IFIH1: variants seen among roughly 807,000 people sequenced by gnomAD.
The protein encoded by IFIH1 is interferon-induced helicase C domain-containing protein 1.
A neutral mutation model predicts 107.4 loss-of-function variants in IFIH1; 125 were observed. That is an observed-to-expected ratio of 1.16 (90% confidence interval 1.01 to 1.35). The LOEUF (loss-of-function observed/expected upper bound fraction) is 1.35. Ranked by LOEUF, IFIH1 falls within the 40% of genes most tolerant of loss-of-function variation. IFIH1 has a pLI of 0.00. For synonymous variants in IFIH1, 458 were observed against 413.2 expected, an observed-to-expected ratio of 1.11 and a Z score of -1.31; for missense variants, 1,333 against 1,213.7, an observed-to-expected ratio of 1.10 and a Z score of -1.46.
In IFIH1 at chr2:162,282,515, C is replaced by A. The variant is rs138611889; in HGVS notation, c.1157G>T (p.Arg386Leu). The change falls in exon 6 of 16, where the codon CGT (arginine) becomes CTT (leucine). Residue 386 changes from arginine to leucine, a missense_variant. Transcript: ENST00000649979. ...EFQPFLKKWYRVIGLSGDTQL... is the reference protein window; with the variant it reads ...EFQPFLKKWYLVIGLSGDTQL... Reference sequence around the variant, plus strand: ...GGTATCACCACTTAATCCAATAACACGATACCATTTCTTCAAAAATGGTTG... The same window carrying A: ...GGTATCACCACTTAATCCAATAACAAGATACCATTTCTTCAAAAATGGTTG... 6.2e-7 allele frequency: 1 copy of A among 1,611,592 alleles called. No individual in the cohort carries two copies.
intron 12 of IFIH1, among the ~76,000 whole-genome samples, chr2:162,272,748 G>A (rs1691069509): frequency 6.6e-6 from 1 of 152,094 alleles, no homozygotes; most frequent in Non-Finnish European, 1.5e-5. Context: ...GAAGCTGGGA[G>A]GAATGAATGG....
At chr2:162,314,049 C>T (rs1250038532) in intron 1 of IFIH1, among the ~76,000 whole-genome samples, 3 of 152,118 alleles carry the variant, frequency 2.0e-5, no homozygotes, top group Admixed American at 6.5e-5. Context: ...ATGCATCTCT[C>T]TTTAGCTGTT....
At chr2:162,310,184 C>G (rs192365072) in intron 2 of IFIH1, 1 of 152,222 alleles carries the variant, frequency 6.6e-6, no homozygotes, top group Non-Finnish European at 1.5e-5. Flanking sequence ...ATTTGTCTTT[C>G]ATATGATATT....
At chr2:162,316,122 A>G (rs1683486497) in intron 1 of IFIH1, among the ~76,000 whole-genome samples, 1 of 152,220 alleles carries the variant, frequency 6.6e-6, no homozygotes, top group Admixed American at 6.5e-5. Context: ...CGGAAATTCA[A>G]TCCAGGCAAG....
chr2:162,315,916 A>G (rs1683482602), intron 1 of IFIH1, among the ~76,000 whole-genome samples: 1 of 152,180 alleles, frequency 6.6e-6, no homozygotes, highest in African/African-American at 2.4e-5. Context: ...GAGAGCCTCA[A>G]ATTTATAGCT....
rs528639734 is a variant in IFIH1 at position 162,267,242 on chromosome 2, A to T, written c.3036T>A (p.Asn1012Lys). Residue 1012 changes from asparagine (N) to lysine (K), a missense_variant, in exon 16 of 16, where the codon AAT becomes AAA. Physicochemically the swap from Asn to Lys is moderately conservative, Grantham distance 94. Coordinates refer to ENST00000649979, the MANE Select transcript of IFIH1 (RefSeq NM_022168.4). ...KWVELPITFP[N>K]LDYSECCLFS... The stretch of plus-strand genomic sequence containing the variant: ...ATAAACAGCATTCTGAATAGTCAAG[A>T]TTGGGAAATGTGATAGGTAATTCTA... The T allele has an allele frequency of 8.0e-5, 128 of 1,607,496 alleles. 2 individuals carry two copies. In the South Asian group the frequency reaches 1.4e-3, roughly 17 times the overall value.
intron 4 of IFIH1, among the ~76,000 whole-genome samples, chr2:162,290,795 T>C (rs190742909): frequency 3.7e-4 from 56 of 152,014 alleles, no homozygotes; most frequent in Admixed American, 1.8e-3. Flanking sequence ...TTGGATTCAA[T>C]GTGAGACTAG....
intron 1 of IFIH1, among the ~76,000 whole-genome samples, chr2:162,317,525 C>T (rs555035501): frequency 6.6e-6 from 1 of 152,254 alleles, no homozygotes; most frequent in Admixed American, 6.5e-5. Context: ...CATTAGGAGC[C>T]TCAGTGGGTT....
At chr2:162,271,299 C>G (rs895882032) in intron 13 of IFIH1, among the ~76,000 whole-genome samples, 1 of 152,048 alleles carries the variant, frequency 6.6e-6, no homozygotes, top group Non-Finnish European at 1.5e-5. Context: ...GAGTTCATGT[C>G]CTTTGTAGGG....
chr2:162,315,655 C>T (rs1013339885), intron 1 of IFIH1, among the ~76,000 whole-genome samples: 1 of 151,966 alleles, frequency 6.6e-6, no homozygotes, highest in African/African-American at 2.4e-5. Context: ...GTAATTTGGC[C>T]CAAAGTAACG....
chr2:162,279,914 TG>T, intron 8 of IFIH1, 81 bp downstream of exon 8: 1 of 795,960 alleles, frequency 1.3e-6, no homozygotes, highest in Non-Finnish European at 2.1e-6. Context: ...ATTTTTCAGA[TG>T]GTCAGTATAA....
rs1030679372 is a variant in IFIH1 at position 162,306,695 on chromosome 2, T to C, written c.769+14A>G. 6.2e-7 allele frequency: 1 copy of C among 1,611,292 alleles called. No individual in the cohort carries two copies. The highest frequency in any genetic ancestry group is 1.1e-5 in the South Asian group (1 of 90,986). ...AGTAATTACTGTATTAAAGTACGTA[T>C]GTGTTTCAAGTACCTGAAACTACAG... On this transcript the variant is annotated intron_variant, in intron 3 of 15. Coordinates refer to ENST00000649979, the MANE Select transcript of IFIH1 (RefSeq NM_022168.4).
In IFIH1 at chr2:162,267,862, C is replaced by T. The variant is rs902950984; in HGVS notation, c.2807+225G>A. ...AACAAATGATGAGCATACAAAAATA[C>T]GTGCCTTGGATCAAAATGGCTTTGG... On this transcript the variant is annotated intron_variant, in intron 14 of 15. Transcript: ENST00000649979. Among the ~76,000 whole-genome samples the T allele has an allele frequency of 3.3e-5, 5 of 152,188 alleles. No individual in the cohort carries two copies. In the South Asian group the frequency reaches 6.2e-4, roughly 19 times the overall value.
In IFIH1 at chr2:162,310,815, T is replaced by C. The variant is rs1255420302; in HGVS notation, c.572A>G (p.Asn191Ser). The C allele has an allele frequency of 2.5e-6, 4 of 1,613,776 alleles. No individual in the cohort carries two copies. Among genetic ancestry groups the C allele is most frequent in the Admixed American group, 3.3e-5 (2 of 59,998 alleles). Residue 191 changes from asparagine to serine, a missense_variant, in exon 2 of 16, where the codon AAT becomes AGT. Asn to Ser is a conservative substitution (Grantham distance 46). Transcript: ENST00000649979. ...GCCTGTTAACTCTTGGACAAGTTCA[T>C]TGTTTCCTGTTTGACGAAGAACATT... ...FLNVLRQTGNNELVQELTGSD... is the reference protein window; with the variant it reads ...FLNVLRQTGNSELVQELTGSD...
chr2:162,317,023 GTGT>G (rs1683503383), intron 1 of IFIH1, among the ~76,000 whole-genome samples: 1 of 150,964 alleles, frequency 6.6e-6, no homozygotes, highest in African/African-American at 2.5e-5. Flanking sequence ...AAGGGTGTGT[GTGT>G]GTGTGTGTGT....
chr2:162,297,437 C>A (rs1020571502), intron 3 of IFIH1, among the ~76,000 whole-genome samples: 1 of 151,998 alleles, frequency 6.6e-6, no homozygotes, highest in South Asian at 2.1e-4. Context: ...GTCTCCAGAT[C>A]GAACGTAGCC....
chr2:162,309,030 G>A (rs1683342926), intron 2 of IFIH1, among the ~76,000 whole-genome samples: 1 of 152,174 alleles, frequency 6.6e-6, no homozygotes, highest in South Asian at 2.1e-4. Flanking sequence ...ATAATACAAT[G>A]GTGGGACAGG....
intron 3 of IFIH1, 31 bp downstream of exon 3, chr2:162,306,678 C>G (rs1381613977): frequency 6.3e-7 from 1 of 1,595,794 alleles, no homozygotes; most frequent in Non-Finnish European, 8.6e-7. Context: ...GTAGTAATTA[C>G]TGTATTAAAG....
rs541154436 is a variant in IFIH1 at position 162,298,790 on chromosome 2, G to GCGCACACACA, written c.770-5123_770-5122insTGTGTGTGCG. 1.9e-4 allele frequency among the ~76,000 whole-genome samples: 28 copies of GCGCACACACA among 149,296 alleles called. No individual in the cohort carries two copies. The East Asian group carries it at 4.9e-3, about 26-fold the overall frequency. On this transcript the variant is annotated intron_variant, in intron 3 of 15. Coordinates refer to ENST00000649979, the MANE Select transcript of IFIH1 (RefSeq NM_022168.4). ...TCTACACACACACGCACGCGCGCGC[G>GCGCACACACA]CACACACACACACACACACACTCAC...
Sources: allele counts gnomAD v4.1 joint callset (sites outside exome capture counted in the v4.1 genomes callset), GRCh38; gene constraint gnomAD v4.1.1; transcripts MANE v1.5; gene names NCBI Gene and HGNC (gene_info 2026-07-23, HGNC 2026-07-21).